The following KCNN2 variants were observed in gnomAD, a reference collection of about 807,000 sequenced individuals.
The protein encoded by KCNN2 is potassium calcium-activated channel subfamily N member 2.
Under a neutral mutation model 55.5 loss-of-function variants are expected in KCNN2, and 24 were observed. The ratio of observed to expected loss-of-function variants is 0.43; its 90% CI spans 0.31 to 0.61. The LOEUF is 0.61. KCNN2 is among the 20% of genes least tolerant of loss of function. The probability of loss-of-function intolerance (pLI) is 0.08; values close to 1 mark genes in which losing one functional copy is unlikely to be tolerated. For synonymous variants in KCNN2, 431 were observed against 336.1 expected (o/e 1.28, Z -3.09); for missense variants, 754 against 853.6 (o/e 0.88, Z 1.45).
chr5:114,080,285 C>T (rs1281981751), intron 1 of KCNN2, among the ~76,000 whole-genome samples: 1 of 152,168 alleles, frequency 6.6e-6, no homozygotes, highest in East Asian at 1.9e-4. Flanking sequence ...CATTCCTGTT[C>T]TGATTTTGCT....
intron 1 of KCNN2, among the ~76,000 whole-genome samples, chr5:114,087,111 TA>T (rs1349546623): frequency 1.3e-5 from 2 of 152,084 alleles, no homozygotes; most frequent in African/African-American, 4.8e-5. Context: ...TGCCCATTTT[TA>T]AATGGATTTA....
At chr5:114,084,876 T>G (rs1750980209) in intron 1 of KCNN2, among the ~76,000 whole-genome samples, 1 of 152,028 alleles carries the variant, frequency 6.6e-6, no homozygotes, top group African/African-American at 2.4e-5. Flanking sequence ...TTTGCTTTTT[T>G]GCATGTCCAT....
chr5:114,140,392 G>C (rs993389531), intron 1 of KCNN2, among the ~76,000 whole-genome samples: 1 of 152,124 alleles, frequency 6.6e-6, no homozygotes, highest in Non-Finnish European at 1.5e-5. Context: ...CCCACCTGCT[G>C]TCTCTGATCT....
intron 4 of KCNN2, among the ~76,000 whole-genome samples, chr5:114,465,097 C>G (rs1358234314): frequency 6.6e-6 from 1 of 152,130 alleles, no homozygotes; most frequent in Admixed American, 6.5e-5. Context: ...AGGTGTGACT[C>G]AAGGGTCATG....
chr5:114,167,711 A>G (rs1240544458), intron 1 of KCNN2, among the ~76,000 whole-genome samples: 1 of 152,138 alleles, frequency 6.6e-6, no homozygotes, highest in Non-Finnish European at 1.5e-5. Flanking sequence ...ATAAACCCAG[A>G]TATGAAAATG....
intron 2 of KCNN2, among the ~76,000 whole-genome samples, chr5:114,232,925 G>GTTTTT (rs10658266): frequency 1.3e-5 from 1 of 76,282 alleles, no homozygotes; most frequent in Admixed American, 1.9e-4. Flanking sequence ...ATTGTTTCTT[G>GTTTTT]TTTTTTTTTT....
chr5:114,350,265 T>C (rs1757183982), intron 2 of KCNN2, among the ~76,000 whole-genome samples: 1 of 151,992 alleles, frequency 6.6e-6, no homozygotes, highest in South Asian at 2.1e-4. Flanking sequence ...GTGATAACAT[T>C]CAAAATCTTA....
At chr5:114,440,112 G>A (rs1467873879) in intron 3 of KCNN2, among the ~76,000 whole-genome samples, 1 of 151,954 alleles carries the variant, frequency 6.6e-6, no homozygotes, top group Non-Finnish European at 1.5e-5. Flanking sequence ...CTCTGTTTCT[G>A]GAAGTGTAAC....
intron 2 of KCNN2, among the ~76,000 whole-genome samples, chr5:114,356,445 CA>C (rs1252421739): frequency 6.6e-6 from 1 of 152,112 alleles, no homozygotes; most frequent in Non-Finnish European, 1.5e-5. Context: ...ACTTAGCATA[CA>C]CAATGATTTC....
chr5:114,423,410 AG>A (rs1385703832), intron 3 of KCNN2, among the ~76,000 whole-genome samples: 1 of 152,190 alleles, frequency 6.6e-6, no homozygotes, highest in Non-Finnish European at 1.5e-5. Context: ...GCTAATCAAA[AG>A]CTAACTTCTC....
chr5:114,221,439 A>T (rs996502261), intron 1 of KCNN2, among the ~76,000 whole-genome samples: 1 of 152,224 alleles, frequency 6.6e-6, no homozygotes, highest in African/African-American at 2.4e-5. Flanking sequence ...AGAGAATGAA[A>T]CAAATTTTGA....
chr5:114,080,574 A>G (rs879704721), intron 1 of KCNN2, among the ~76,000 whole-genome samples: 13 of 152,212 alleles, frequency 8.5e-5, no homozygotes, highest in Non-Finnish European at 1.9e-4. Flanking sequence ...TTGATATATA[A>G]TTATTTGTAA....
chr5:114,361,136 G>C (rs1194383888), upstream of KCNN2: 1 of 152,256 alleles, frequency 6.6e-6, no homozygotes, highest in South Asian at 2.1e-4. Context: ...CTCATGTTCT[G>C]GAGAAGGCGC....
intron 1 of KCNN2, among the ~76,000 whole-genome samples, chr5:114,110,427 A>G (rs1751573590): frequency 6.6e-6 from 1 of 152,030 alleles, no homozygotes; most frequent in African/African-American, 2.4e-5. Context: ...ATAAATTCAT[A>G]AATTTCTCTT....
intron 1 of KCNN2, among the ~76,000 whole-genome samples, chr5:114,140,884 G>T (rs1392539040): frequency 6.6e-6 from 1 of 151,356 alleles, no homozygotes; most frequent in African/African-American, 2.4e-5. Context: ...CACCTCCCGG[G>T]TTGAATCAAT....
At chr5:114,341,288 G>T (rs1201091463) in intron 2 of KCNN2, among the ~76,000 whole-genome samples, 3 of 152,156 alleles carry the variant, frequency 2.0e-5, no homozygotes, top group Non-Finnish European at 1.5e-5. Context: ...AGGGAAATTG[G>T]TACATAGATA....
chr5:114,397,875 G>A (rs1259978010), intron 2 of KCNN2, among the ~76,000 whole-genome samples: 2 of 152,040 alleles, frequency 1.3e-5, no homozygotes, highest in East Asian at 3.9e-4. Context: ...ACTTTTTAAT[G>A]GGGTTGTTTG....
At chr5:114,420,721 A>C (rs1450870649) in intron 3 of KCNN2, among the ~76,000 whole-genome samples, 1 of 152,358 alleles carries the variant, frequency 6.6e-6, no homozygotes, top group East Asian at 1.9e-4. Flanking sequence ...TTAAGAAAGC[A>C]TTCACAGAAC....
At chr5:114,060,052 G>A (rs1269549628) in intron 1 of KCNN2, among the ~76,000 whole-genome samples, 1 of 152,258 alleles carries the variant, frequency 6.6e-6, no homozygotes, top group Non-Finnish European at 1.5e-5. Flanking sequence ...TAGCCCCACA[G>A]TACCTCAGGC....
Sources: gnomAD v4.1 joint callset for allele counts (sites outside exome capture counted in the v4.1 genomes callset) on GRCh38, gnomAD v4.1.1 for gene constraint, MANE v1.5 for transcripts, NCBI Gene and HGNC (gene_info 2026-07-23, HGNC 2026-07-21) for gene names.